The following ZNF354A variants were observed in gnomAD, a reference collection of about 807,000 sequenced individuals.
ZNF354A encodes zinc finger protein 354A.
Under a neutral mutation model 53.3 loss-of-function variants are expected in ZNF354A, and 25 were observed. The observed-to-expected ratio is 0.47, with a 90% CI of 0.34 to 0.66. The LOEUF (loss-of-function observed/expected upper bound fraction) is 0.66. ZNF354A is among the 30% of genes least tolerant of loss of function. ZNF354A has a pLI of 0.01. For missense variants in ZNF354A, 586 were observed against 716.8 expected (o/e 0.82, Z 2.08); for synonymous variants, 228 against 249.0 (o/e 0.92, Z 0.79).
intron 4 of ZNF354A, among the ~76,000 whole-genome samples, chr5:178,722,254 A>T (rs924598294): frequency 6.6e-6 from 1 of 152,168 alleles, no homozygotes; most frequent in Non-Finnish European, 1.5e-5. Flanking sequence ...ATCACCCTAT[A>T]TTGATCAGGT....
Position 178,712,489 on chromosome 5 carries a change from T to G in ZNF354A, c.1389A>C (p.Glu463Asp), listed in dbSNP as rs777796727. Residue 463 changes from glutamate (E) to aspartate (D), a missense_variant, in exon 5 of 5, where the codon GAA (glutamate) becomes GAC (aspartate). Glu to Asp is a conservative substitution (Grantham distance 45). This residue lies in a region of ZNF354A where 573 missense variants were observed against 680.1 expected (regional missense o/e 0.84). Transcript: ENST00000335815. ...CACATACTTTACATTTACATGGTTT[T>G]TCTCCAGTATGAATTCGCTCGTGAA... ...LIIHERIHTG[E>D]KPCKCKVCGK... The G allele has an allele frequency of 6.2e-7, 1 of 1,614,152 alleles. No individual in the cohort carries two copies. The highest frequency in any genetic ancestry group is 8.5e-7 in the Non-Finnish European group (1 of 1,180,024).
chr5:178,726,281 C>T (rs147187473), intron 3 of ZNF354A: 3 of 451,190 alleles, frequency 6.6e-6, no homozygotes, highest in East Asian at 7.0e-5. Context: ...GAGACCATTA[C>T]GCAGCCCACA....
At chr5:178,725,353 C>T (rs751800703) in intron 4 of ZNF354A, 23 bp downstream of exon 4, 44 of 1,609,416 alleles carry the variant, frequency 2.7e-5, no homozygotes, top group Non-Finnish European at 3.1e-5. Flanking sequence ...GCGGCCATTC[C>T]GCACCTCGGG....
chr5:178,712,481 C>T lies in ZNF354A; in HGVS notation c.1397G>A (p.Cys466Tyr). Residue 466 changes from cysteine to tyrosine, a missense_variant, in exon 5 of 5, where the codon TGT becomes TAT. Cys to Tyr is a radical substitution (Grantham distance 194). Transcript: ENST00000335815. ...HERIHTGEKP[C>Y]KCKVCGKAFR... is the part of the protein sequence containing the mutation. Reference sequence around the variant, plus strand: ...GGCTTTTCCACATACTTTACATTTACATGGTTTTTCTCCAGTATGAATTCG... The same window carrying T: ...GGCTTTTCCACATACTTTACATTTATATGGTTTTTCTCCAGTATGAATTCG... The T allele has an allele frequency of 1.2e-6, 2 of 1,614,092 alleles. No homozygotes were observed. The highest frequency in any genetic ancestry group is 1.7e-6 in the Non-Finnish European group (2 of 1,180,020).
At position 178,725,371 on chromosome 5, in the gene ZNF354A, C is replaced by A; in HGVS notation, c.256+5G>T. On this transcript the variant is annotated splice_donor_5th_base_variant and intron_variant, in intron 4 of 4. Coordinates refer to ENST00000335815, the MANE Select transcript of ZNF354A (RefSeq NM_005649.3). Reference sequence around the variant, plus strand: ...GCCATTCCGCACCTCGGGCCACCCACTTACCTAGAGAGGAGACGCCAGAAC... The same window carrying A: ...GCCATTCCGCACCTCGGGCCACCCAATTACCTAGAGAGGAGACGCCAGAAC... 6.2e-7 allele frequency: 1 copy of A among 1,613,480 alleles called. No homozygotes were observed. The highest frequency in any genetic ancestry group is 8.5e-7 in the Non-Finnish European group (1 of 1,179,942).
rs774183831 is a variant in ZNF354A at position 178,713,256 on chromosome 5, T to A, written c.622A>T (p.Ile208Phe). 1 of 1,614,162 alleles carries A rather than the reference T, an allele frequency of 6.2e-7. No homozygotes were observed. The highest frequency in any genetic ancestry group is 8.5e-7 in the Non-Finnish European group (1 of 1,180,008). ...QNSQLLNQPK[I>F]TADKRYKCSL... ...CATTTATAGCGTTTATCTGCTGTAA[T>A]TTTTGGTTGATTAAGTAATTGTGAA... The change falls in exon 5 of 5, where the codon ATT becomes TTT. Residue 208 changes from isoleucine (I) to phenylalanine (F), a missense_variant. Coordinates refer to ENST00000335815, the MANE Select transcript of ZNF354A (RefSeq NM_005649.3).
intron 1 of ZNF354A, chr5:178,729,415 C>T (rs1765982119): frequency 5.0e-6 from 1 of 198,462 alleles, no homozygotes; most frequent in Non-Finnish European, 1.0e-5. Flanking sequence ...GCCGGGGCAC[C>T]TGCCCCGTTC....
chr5:178,729,903 C>G (rs981269771), intron 1 of ZNF354A, among the ~76,000 whole-genome samples: 1 of 123,202 alleles, frequency 8.1e-6, no homozygotes, highest in African/African-American at 2.8e-5. Context: ...CTCGCTCTGT[C>G]GCTCAGGCTG....
At chr5:178,719,209 GCTCTATC>G (rs1265338913) in intron 4 of ZNF354A, among the ~76,000 whole-genome samples, 1 of 152,088 alleles carries the variant, frequency 6.6e-6, no homozygotes, top group Non-Finnish European at 1.5e-5. Flanking sequence ...TATGTATTAG[GCTCTATC>G]CTAGGCATCG....
rs56328495 is a variant in ZNF354A, at chr5:178,711,899, A to AT, written c.*160dup. The AT allele has an allele frequency of 0.27, 212,413 of 774,578 alleles. 30,790 individuals are homozygous for AT. Among genetic ancestry groups the AT allele is most frequent in the South Asian group, 0.38 (12,626 of 33,038 alleles). The allele number at this position is 774,578 out of a possible 1,614,324, so 48.0% of individuals were successfully genotyped here. On this transcript the variant is annotated 3_prime_UTR_variant, in exon 5 of 5. Coordinates refer to ENST00000335815, the MANE Select transcript of ZNF354A (RefSeq NM_005649.3). ...TCTGACAGGCACAAACACTTTCCTC[A>AT]TATCTATTATATAGCTGAGGTTTAT... is the stretch of plus-strand genomic sequence containing the variant.
chr5:178,727,045 C>T lies in ZNF354A; in HGVS notation c.114G>A (p.Leu38=), dbSNP rs943717837. ...AGTTCTCCAGCATCACATCCCGGTACAAGTTTCTCTGAGAAGGGGCCAGCT... is the reference window on the plus strand; with the variant it reads ...AGTTCTCCAGCATCACATCCCGGTATAAGTTTCTCTGAGAAGGGGCCAGCT... ...WRKLAPSQRN[L]YRDVMLENYR... The change falls in exon 3 of 5, where the codon TTG becomes TTA. Residue 38 remains leucine, a synonymous_variant. Transcript: ENST00000335815. 1 of 1,614,070 alleles carries T rather than the reference C, an allele frequency of 6.2e-7. No individual in the cohort carries two copies. The highest frequency in any genetic ancestry group is 1.7e-5 in the Admixed American group (1 of 60,016).
chr5:178,730,360 G>A (rs1193159349), intron 1 of ZNF354A, among the ~76,000 whole-genome samples, 196 bp downstream of exon 1: 2 of 152,024 alleles, frequency 1.3e-5, no homozygotes, highest in East Asian at 2.0e-4. Flanking sequence ...TCCACGGCGA[G>A]CCGGACGCGG....
chr5:178,728,782 C>CAAAAAAAAAAAAAAAAAAAA lies in ZNF354A; in HGVS notation c.33+207_33+208insTTTTTTTTTTTTTTTTTTTT, dbSNP rs1157233878. Among the ~76,000 whole-genome samples the CAAAAAAAAAAAAAAAAAAAA allele has an allele frequency of 5.1e-4, 26 of 50,872 alleles. 3 individuals are homozygous for CAAAAAAAAAAAAAAAAAAAA. Among genetic ancestry groups the CAAAAAAAAAAAAAAAAAAAA allele is most frequent in the African/African-American group, 1.5e-3 (16 of 10,668 alleles). 33.4% of individuals were successfully genotyped at this position (50,872 alleles called of 152,430 possible). ...ACTGCCTGGGCGACAAAGCGAGATTCAAAAAAAAAAAAAAAAAAGAGAACC... is the reference window on the plus strand; with the variant it reads ...ACTGCCTGGGCGACAAAGCGAGATTCAAAAAAAAAAAAAAAAAAAAAAAAAAAAAAAAAAAAAAGAGAACC... On this transcript the variant is annotated intron_variant, in intron 2 of 4. Coordinates refer to ENST00000335815, the MANE Select transcript of ZNF354A (RefSeq NM_005649.3).
rs771823125 is a variant in ZNF354A at position 178,712,083 on chromosome 5, T to C, written c.1795A>G (p.Ile599Val). The change falls in exon 5 of 5, where the codon ATT becomes GTT. Residue 599 changes from isoleucine to valine, a missense_variant. Physicochemically the swap from Ile to Val is conservative, Grantham distance 29. Around this residue, in one of 2 missense-constraint regions of ZNF354A, gnomAD observed 573 missense variants for 680.1 expected, o/e 0.84. Coordinates refer to ENST00000335815, the MANE Select transcript of ZNF354A (RefSeq NM_005649.3). ...HRSSLTNHYK[I>V]HIEEDP ...TTCTAGGGGTCCTCTTCGATATGAATTTTATAATGATTAGTAAGGGATGAC... is the reference window on the plus strand; with the variant it reads ...TTCTAGGGGTCCTCTTCGATATGAACTTTATAATGATTAGTAAGGGATGAC... The C allele has an allele frequency of 4.4e-6, 7 of 1,600,448 alleles. No homozygotes were observed. The East Asian group carries it at 1.6e-4, about 36-fold the overall frequency.
intron 1 of ZNF354A, among the ~76,000 whole-genome samples, chr5:178,730,021 G>A (rs1245272978): frequency 6.6e-6 from 1 of 151,982 alleles, no homozygotes; most frequent in Non-Finnish European, 1.5e-5. Context: ...CCGCCACTAC[G>A]CCCGGCTAAT....
chr5:178,716,468 T>C (rs1330495939), intron 4 of ZNF354A, among the ~76,000 whole-genome samples: 2 of 152,122 alleles, frequency 1.3e-5, no homozygotes, highest in South Asian at 2.1e-4. Context: ...CAGCATCCTT[T>C]CCATTCACAA....
rs1480762599 is a variant in ZNF354A, at chr5:178,712,804, T to G, written c.1074A>C (p.Glu358Asp). 3 of 1,614,146 alleles carry G rather than the reference T, an allele frequency of 1.9e-6. No homozygotes were observed. The South Asian group carries it at 3.3e-5, about 18-fold the overall frequency. The change falls in exon 5 of 5, where the codon GAA (glutamate) becomes GAC (aspartate). Residue 358 changes from glutamate (E) to aspartate (D), a missense_variant. Transcript: ENST00000335815. The part of the protein sequence containing the change: ...HSRKKSYLCN[E>D]CGNTFKSSSS... ...AGCTAGACTTAAAGGTGTTGCCACA[T>G]TCATTACATAAGTAGGACTTCTTTC...
chr5:178,722,901 T>A (rs374367528), intron 4 of ZNF354A, among the ~76,000 whole-genome samples: 83 of 152,258 alleles, frequency 5.5e-4, no homozygotes, highest in South Asian at 4.1e-4. Context: ...AGCCGAAGCC[T>A]GTGCAGCACA....
At position 178,712,825 on chromosome 5, in the gene ZNF354A, C is replaced by A. The variant is rs1427776535; in HGVS notation, c.1053G>T (p.Lys351Asn). The A allele has an allele frequency of 4.3e-6, 7 of 1,614,006 alleles. No homozygotes were observed. Among genetic ancestry groups the A allele is most frequent in the Non-Finnish European group, 5.1e-6 (6 of 1,180,032 alleles). ...CACATTCATTACATAAGTAGGACTT[C>A]TTTCTAGAATGAATTCTTTGACATC... ...LSGCQRIHSRKKSYLCNECGN... is the reference protein window; with the variant it reads ...LSGCQRIHSRNKSYLCNECGN... Residue 351 changes from lysine to asparagine, a missense_variant, in exon 5 of 5, where the codon AAG becomes AAT. Physicochemically the swap from Lys to Asn is moderately conservative, Grantham distance 94. Around this residue, in one of 2 missense-constraint regions of ZNF354A, gnomAD observed 573 missense variants for 680.1 expected, o/e 0.84. Coordinates refer to ENST00000335815, the MANE Select transcript of ZNF354A (RefSeq NM_005649.3).
Sources: allele counts gnomAD v4.1 joint callset (sites outside exome capture counted in the v4.1 genomes callset), GRCh38; gene constraint gnomAD v4.1.1; regional missense constraint gnomAD v4.1.1; transcripts MANE v1.5; gene names NCBI Gene and HGNC (gene_info 2026-07-23, HGNC 2026-07-21).